The following UBE2G2 variants were observed in gnomAD, a reference collection of about 807,000 sequenced individuals.
UBE2G2 encodes ubiquitin conjugating enzyme E2 G2, also known as ubiquitin-conjugating enzyme E2 G2.
UBE2G2 carries 10 observed loss-of-function variants against 23.0 expected under a neutral mutation model. The observed-to-expected ratio is 0.43, with a 90% CI of 0.27 to 0.74. The LOEUF (loss-of-function observed/expected upper bound fraction) is 0.74. Ranked by LOEUF, UBE2G2 falls within the 30% of genes least tolerant of loss-of-function variation. The pLI is 0.19. For missense variants in UBE2G2, 150 were observed against 218.3 expected (o/e 0.69, Z 1.97); for synonymous variants, 86 against 81.3 (o/e 1.06, Z -0.31).
At position 44,770,066 on chromosome 21, in the gene UBE2G2, TGGGCCCAG is replaced by T. The variant is rs2082861318; in HGVS notation, c.*1303_*1310del. The T allele has an allele frequency of 6.6e-6, 1 of 152,244 alleles. No individual in the cohort carries two copies. Among genetic ancestry groups the T allele is most frequent in the African/African-American group, 2.4e-5 (1 of 41,444 alleles). The allele number at this position is 152,244 out of a possible 1,614,324, so 9.4% of individuals were successfully genotyped here. On this transcript the variant is annotated 3_prime_UTR_variant, in exon 6 of 6. Coordinates refer to ENST00000345496, the MANE Select transcript of UBE2G2 (RefSeq NM_003343.6). ...CAAAACAAGGGCTCTGTCCCCAGCC[TGGGCCCAG>T]GGGCCCACATGCCCACCTCCACAGC...
At chr21:44,785,822 T>A (rs2082992618) in intron 3 of UBE2G2, 1 of 152,208 alleles carries the variant, frequency 6.6e-6, no homozygotes, top group African/African-American at 2.4e-5. Flanking sequence ...ACAAACTCAC[T>A]AGGATCTTCA....
intron 5 of UBE2G2, 83 bp downstream of exon 5, chr21:44,773,464 C>G: frequency 6.7e-7 from 1 of 1,489,822 alleles, no homozygotes; most frequent in South Asian, 1.3e-5. Flanking sequence ...AAAGGACATT[C>G]TAAAGACAGG....
intron 3 of UBE2G2, among the ~76,000 whole-genome samples, chr21:44,786,455 A>G (rs1488783811): frequency 6.6e-6 from 1 of 152,018 alleles, no homozygotes. Flanking sequence ...ATTACAAATG[A>G]TCAGGAAATG....
At chr21:44,790,664 G>A (rs531910681) in intron 1 of UBE2G2, among the ~76,000 whole-genome samples, 3 of 152,270 alleles carry the variant, frequency 2.0e-5, no homozygotes, top group Admixed American at 2.0e-4. Flanking sequence ...TTCCCCTTCG[G>A]CTTCTGTCAT....
At chr21:44,785,357 C>T (rs2082987957) in intron 3 of UBE2G2, among the ~76,000 whole-genome samples, 1 of 152,194 alleles carries the variant, frequency 6.6e-6, no homozygotes, top group Non-Finnish European at 1.5e-5. Flanking sequence ...ATTTAGTCCT[C>T]TCATTCACTA....
Position 44,801,248 on chromosome 21 carries a change from C to T in UBE2G2, c.43+458G>A, listed in dbSNP as rs181648908. 3.3e-4 allele frequency: 310 copies of T among 950,970 alleles called. No individual in the cohort carries two copies. In the African/African-American group the frequency reaches 5.3e-3, roughly 16 times the overall value. 58.9% of individuals were successfully genotyped at this position (950,970 alleles called of 1,614,324 possible). On this transcript the variant is annotated intron_variant, in intron 1 of 5. Transcript: ENST00000345496. ...GTGACAGGTGGCACTGTTCAAAAAC[C>T]CTTTTCCTTCATTAGAGGGAAAGCC...
At chr21:44,795,499 G>A (rs1392224219) in intron 1 of UBE2G2, among the ~76,000 whole-genome samples, 1 of 152,006 alleles carries the variant, frequency 6.6e-6, no homozygotes, top group Non-Finnish European at 1.5e-5. Context: ...AAGCGAGGTG[G>A]CATGCAACTG....
Position 44,769,620 on chromosome 21 carries a change from C to T in UBE2G2, c.*1757G>A, listed in dbSNP as rs2082856892. The T allele has an allele frequency of 6.6e-6, 1 of 152,292 alleles. No individual in the cohort carries two copies. Among genetic ancestry groups the T allele is most frequent in the Admixed American group, 6.5e-5 (1 of 15,302 alleles). 9.4% of individuals were successfully genotyped at this position (152,292 alleles called of 1,614,324 possible). A position where few individuals can be genotyped will look rare whatever the true frequency, so the allele number is the denominator to read the frequency against. ...GTCGCGATCTCCTGACCTCATGATC[C>T]GCCCGCCTCAGTCTCCCAAAGTGCT... On this transcript the variant is annotated 3_prime_UTR_variant, in exon 6 of 6. Transcript: ENST00000345496.
chr21:44,798,491 C>A (rs1428188415), intron 1 of UBE2G2, among the ~76,000 whole-genome samples: 1 of 152,218 alleles, frequency 6.6e-6, no homozygotes, highest in Non-Finnish European at 1.5e-5. Flanking sequence ...TCAAACCCTG[C>A]GGCTGCTTTA....
chr21:44,781,865 A>C (rs577355471), intron 3 of UBE2G2, among the ~76,000 whole-genome samples: 19 of 152,366 alleles, frequency 1.2e-4, no homozygotes, highest in African/African-American at 4.6e-4. Flanking sequence ...CTTTTGCTCC[A>C]TATAATTATT....
Position 44,771,434 on chromosome 21 carries a change from G to T in UBE2G2, c.441C>A (p.Asp147Glu). The part of the protein sequence containing the change: ...NVDASKMWRD[D>E]REQFYKIAKQ... ...TGGCAATCTTATAGAACTGCTCCCG[G>T]TCATCGCGCCACATTTTGGACGCAT... The change falls in exon 6 of 6, where the codon GAC becomes GAA. Residue 147 changes from aspartate (D) to glutamate (E), a missense_variant. Coordinates refer to ENST00000345496, the MANE Select transcript of UBE2G2 (RefSeq NM_003343.6). The surrounding 1 kb of genome is among the most constrained non-coding windows in gnomAD (Gnocchi z 4.6). 1.9e-6 allele frequency: 3 copies of T among 1,613,088 alleles called. No individual in the cohort carries two copies. Among genetic ancestry groups the T allele is most frequent in the Non-Finnish European group, 2.5e-6 (3 of 1,180,036 alleles).
Position 44,771,535 on chromosome 21 carries a change from G to A in UBE2G2, c.386-46C>T, listed in dbSNP as rs781994904. On this transcript the variant is annotated intron_variant, in intron 5 of 5. Coordinates refer to ENST00000345496, the MANE Select transcript of UBE2G2 (RefSeq NM_003343.6). The surrounding 1 kb of genome is among the most constrained non-coding windows in gnomAD (Gnocchi z 4.6). ...CTCCATGTAAAAGGGAGTCTTATAC[G>A]TAAGCAGCCTGGCAAGGTCTCCCAT... is the stretch of plus-strand genomic sequence containing the variant. 9.3e-5 allele frequency: 146 copies of A among 1,571,832 alleles called. No homozygotes were observed. The Admixed American group carries it at 2.3e-3, about 24-fold the overall frequency.
intron 1 of UBE2G2, among the ~76,000 whole-genome samples, chr21:44,796,844 T>C (rs2083093940): frequency 6.6e-6 from 1 of 152,234 alleles, no homozygotes; most frequent in African/African-American, 2.4e-5. Context: ...TTCTTGAGGC[T>C]GCCCGCCTTC....
intron 1 of UBE2G2, among the ~76,000 whole-genome samples, chr21:44,793,949 A>C (rs2083065248): frequency 6.6e-6 from 1 of 152,228 alleles, no homozygotes; most frequent in Non-Finnish European, 1.5e-5. Context: ...GGTACTTTGC[A>C]GCTATAAATA....
At chr21:44,786,331 G>A (rs2082996405) in intron 3 of UBE2G2, among the ~76,000 whole-genome samples, 1 of 152,210 alleles carries the variant, frequency 6.6e-6, no homozygotes. Context: ...CCCAGACTGT[G>A]GGACTCGCCA....
chr21:44,787,977 GA>G lies in UBE2G2; in HGVS notation c.80-13del. The G allele has an allele frequency of 6.2e-7, 1 of 1,612,186 alleles. No homozygotes were observed. Among genetic ancestry groups the G allele is most frequent in the Non-Finnish European group, 8.5e-7 (1 of 1,179,454 alleles). On this transcript the variant is annotated splice_polypyrimidine_tract_variant and intron_variant, in intron 2 of 5. Coordinates refer to ENST00000345496, the MANE Select transcript of UBE2G2 (RefSeq NM_003343.6). ...TTCATTCATGGGGCCTGTAGGGTGA[GA>G]AAAAATTTCACAACATTTTAACTTT... is the stretch of plus-strand genomic sequence containing the variant.
chr21:44,795,271 T>TA (rs879951622), intron 1 of UBE2G2, among the ~76,000 whole-genome samples: 44 of 149,690 alleles, frequency 2.9e-4, no homozygotes, highest in East Asian at 3.9e-4. Context: ...AAATAAAAAA[T>TA]AAAAAAAAAT....
intron 4 of UBE2G2, 140 bp from the exon 5 acceptor site, chr21:44,773,827 G>A: frequency 8.3e-7 from 1 of 1,199,856 alleles, no homozygotes. Context: ...GCATAGCCTG[G>A]GGCCCTGAGT....
In UBE2G2 at chr21:44,770,139, A is replaced by C. The variant is rs2082861971; in HGVS notation, c.*1238T>G. On this transcript the variant is annotated 3_prime_UTR_variant, in exon 6 of 6. Coordinates refer to ENST00000345496, the MANE Select transcript of UBE2G2 (RefSeq NM_003343.6). ...GGATAAGGCACTCCTCTGTGCTCTG[A>C]GCTAAGATATGGTAGAGTCCCTTCT... 6.6e-6 allele frequency: 1 copy of C among 152,264 alleles called. No individual in the cohort carries two copies. The highest frequency in any genetic ancestry group is 1.5e-5 in the Non-Finnish European group (1 of 68,050). The allele number at this position is 152,264 out of a possible 1,614,324, so 9.4% of individuals were successfully genotyped here.
Sources: allele counts gnomAD v4.1 joint callset (sites outside exome capture counted in the v4.1 genomes callset), GRCh38; gene constraint gnomAD v4.1.1; non-coding constraint Gnocchi (gnomAD v3.1); transcripts MANE v1.5; gene names NCBI Gene and HGNC (gene_info 2026-07-23, HGNC 2026-07-21).